The following PTCHD4 variants were observed in gnomAD, a reference collection of about 807,000 sequenced individuals.
PTCHD4 encodes patched domain containing 4, also known as patched domain-containing protein 4.
PTCHD4 carries 33 observed loss-of-function variants against 58.1 expected under a neutral mutation model. The ratio of observed to expected loss-of-function variants is 0.57; its 90% CI spans 0.43 to 0.76. The LOEUF (loss-of-function observed/expected upper bound fraction) is 0.76. Among genes scored for constraint, PTCHD4 ranks in the 30% least tolerant of loss-of-function variants. PTCHD4 has a pLI of 0.00. For missense variants in PTCHD4, 1,058 were observed against 1,027.1 expected (o/e 1.03, Z -0.41); for synonymous variants, 478 against 409.6 (o/e 1.17, Z -2.02).
At chr6:48,050,444 G>T (rs1764190505) in intron 3 of PTCHD4, among the ~76,000 whole-genome samples, 2 of 151,968 alleles carry the variant, frequency 1.3e-5, no homozygotes, top group Admixed American at 1.3e-4. Context: ...GAACTATATG[G>T]CTGGTCAATG....
intron 4 of PTCHD4, among the ~76,000 whole-genome samples, chr6:47,883,393 T>C (rs985681080): frequency 3.9e-5 from 6 of 152,184 alleles, no homozygotes; most frequent in Admixed American, 3.3e-4. Context: ...AGAGAATATG[T>C]CAGAGTGAGT....
chr6:48,077,529 G>C (rs1765082890), intron 1 of PTCHD4, among the ~76,000 whole-genome samples: 1 of 152,184 alleles, frequency 6.6e-6, no homozygotes, highest in Admixed American at 6.5e-5. Flanking sequence ...AACAACCTCT[G>C]CTAGCTTCAA....
At chr6:48,001,361 C>T (rs2114061755) in intron 4 of PTCHD4, among the ~76,000 whole-genome samples, 2 of 152,260 alleles carry the variant, frequency 1.3e-5, no homozygotes, top group Middle Eastern at 6.8e-3. Context: ...GAACTATATA[C>T]TACAAGGCTA....
chr6:47,946,652 G>T (rs1001900964), intron 4 of PTCHD4, among the ~76,000 whole-genome samples: 43 of 152,132 alleles, frequency 2.8e-4, no homozygotes, highest in Admixed American at 5.2e-4. Context: ...TAACCAACCA[G>T]TTCAGTGAAT....
rs186372082 is a variant in PTCHD4 at position 47,969,253 on chromosome 6, C to T, written c.898+39381G>A. ...TAGGAGCCTGTTTTATTTTCACATA[C>T]TTGTATTTTCCTCTTGTGTACTCCT... On this transcript the variant is annotated intron_variant, in intron 4 of 4. Coordinates refer to ENST00000339488, the MANE Select transcript of PTCHD4 (RefSeq NM_001384253.1). Among the ~76,000 whole-genome samples, 443 of 152,302 alleles carry T rather than the reference C, an allele frequency of 2.9e-3. 1 individual carries two copies. Among genetic ancestry groups the T allele is most frequent in the African/African-American group, 0.01 (423 of 41,580 alleles).
chr6:48,074,222 C>T (rs1400081793), intron 1 of PTCHD4, among the ~76,000 whole-genome samples: 1 of 152,036 alleles, frequency 6.6e-6, no homozygotes, highest in Non-Finnish European at 1.5e-5. Flanking sequence ...TGGTTGTCTG[C>T]AGCTGTAACT....
rs1364389665 is a variant in PTCHD4, at chr6:47,858,242, G to C, written c.*20061C>G. On this transcript the variant is annotated 3_prime_UTR_variant, in exon 5 of 5. Coordinates refer to ENST00000339488, the MANE Select transcript of PTCHD4 (RefSeq NM_001384253.1). ...TTTTATAGCAGGCACCCCCAATTTTGGATTCAGGGGCAGACATAAGAAGAA... is the reference window on the plus strand; with the variant it reads ...TTTTATAGCAGGCACCCCCAATTTTCGATTCAGGGGCAGACATAAGAAGAA... Among the ~76,000 whole-genome samples the C allele has an allele frequency of 6.6e-6, 1 of 151,870 alleles. No homozygotes were observed. The highest frequency in any genetic ancestry group is 1.5e-5 in the Non-Finnish European group (1 of 67,932).
intron 4 of PTCHD4, among the ~76,000 whole-genome samples, chr6:47,915,009 A>C (rs1561954812): frequency 6.6e-6 from 1 of 152,142 alleles, no homozygotes; most frequent in Non-Finnish European, 1.5e-5. Flanking sequence ...AATCTTTATG[A>C]GAATTCATTT....
intron 3 of PTCHD4, among the ~76,000 whole-genome samples, chr6:48,044,122 A>G (rs947079916): frequency 1.3e-5 from 2 of 151,704 alleles, no homozygotes; most frequent in Non-Finnish European, 3.0e-5. Flanking sequence ...GTGTATTTTC[A>G]TTAATATTTT....
rs188596887 is a variant in PTCHD4, at chr6:48,065,044, G to A, written c.417+3186C>T. On this transcript the variant is annotated intron_variant, in intron 3 of 4. Coordinates refer to ENST00000339488, the MANE Select transcript of PTCHD4 (RefSeq NM_001384253.1). ...AAGGCACCTTTCTGTGTCCCTGCTT[G>A]TCTGGATCACCTTGTCAACATAATC... 7.2e-5 allele frequency among the ~76,000 whole-genome samples: 11 copies of A among 152,218 alleles called. No homozygotes were observed. In the South Asian group the frequency reaches 1.5e-3, roughly 20 times the overall value.
At chr6:47,988,317 T>A (rs1279032428) in intron 4 of PTCHD4, among the ~76,000 whole-genome samples, 1 of 152,150 alleles carries the variant, frequency 6.6e-6, no homozygotes, top group Non-Finnish European at 1.5e-5. Context: ...TCTAGGAATC[T>A]GAAAACACCC....
At chr6:47,920,411 T>C (rs894474302) in intron 4 of PTCHD4, among the ~76,000 whole-genome samples, 1 of 152,284 alleles carries the variant, frequency 6.6e-6, no homozygotes, top group East Asian at 1.9e-4. Context: ...TTAGCAAGTA[T>C]ATGCAGAGTG....
chr6:47,896,126 G>C (rs1254058111), intron 4 of PTCHD4, among the ~76,000 whole-genome samples: 3 of 152,188 alleles, frequency 2.0e-5, no homozygotes, highest in Non-Finnish European at 4.4e-5. Flanking sequence ...CTTAACTACA[G>C]TTAAGGAAGA....
At position 48,068,414 on chromosome 6, in the gene PTCHD4, G is replaced by C; in HGVS notation, c.233C>G (p.Ala78Gly). 6.2e-7 allele frequency: 1 copy of C among 1,613,974 alleles called. No homozygotes were observed. Among genetic ancestry groups the C allele is most frequent in the Non-Finnish European group, 8.5e-7 (1 of 1,179,884 alleles). ...ERLVAPSHSLAKIERSLASSL... is the reference protein window; with the variant it reads ...ERLVAPSHSLGKIERSLASSL... ...GCTGGCCAGGCTGCGCTCGATCTTG[G>C]CCAGGCTGTGGCTGGGAGCGACCAG... The change falls in exon 3 of 5, where the codon GCC becomes GGC. Residue 78 changes from alanine (A) to glycine (G), a missense_variant. Coordinates refer to ENST00000339488, the MANE Select transcript of PTCHD4 (RefSeq NM_001384253.1). The surrounding 1 kb of genome is among the most constrained non-coding windows in gnomAD (Gnocchi z 4.2).
chr6:48,008,644 G>C lies in PTCHD4; in HGVS notation c.888C>G (p.Phe296Leu). 6.2e-7 allele frequency: 1 copy of C among 1,612,976 alleles called. No homozygotes were observed. The highest frequency in any genetic ancestry group is 8.5e-7 in the Non-Finnish European group (1 of 1,179,432). ...AGGATGGATAGTTACCCATGGCGAAGAACGGGATTCCCAGCAGGGTGGAGT... is the reference window on the plus strand; with the variant it reads ...AGGATGGATAGTTACCCATGGCGAACAACGGGATTCCCAGCAGGGTGGAGT... ...KYNSTLLGIP[F>L]FAMGHGTKGV... The change falls in exon 4 of 5, where the codon TTC (phenylalanine) becomes TTG (leucine). Residue 296 changes from phenylalanine to leucine, a missense_variant. Phe to Leu is a conservative substitution (Grantham distance 22). Coordinates refer to ENST00000339488, the MANE Select transcript of PTCHD4 (RefSeq NM_001384253.1).
intron 4 of PTCHD4, among the ~76,000 whole-genome samples, chr6:47,910,338 C>G (rs530982942): frequency 6.6e-6 from 1 of 152,228 alleles, no homozygotes; most frequent in East Asian, 1.9e-4. Flanking sequence ...TTAGTTCAAA[C>G]CTGTGTCTGT....
chr6:48,055,699 A>G (rs543626132), intron 3 of PTCHD4, among the ~76,000 whole-genome samples: 3 of 152,308 alleles, frequency 2.0e-5, no homozygotes, highest in Admixed American at 6.5e-5. Flanking sequence ...CTATCTATAA[A>G]AGGGGGTCAT....
chr6:48,003,408 G>C (rs1166214364), intron 4 of PTCHD4, among the ~76,000 whole-genome samples: 2 of 152,022 alleles, frequency 1.3e-5, no homozygotes, highest in African/African-American at 4.8e-5. Context: ...CTAAGCCTGG[G>C]GTCATCATTG....
At chr6:47,906,741 C>T (rs148292943) in intron 4 of PTCHD4, among the ~76,000 whole-genome samples, 18 of 152,228 alleles carry the variant, frequency 1.2e-4, no homozygotes, top group South Asian at 6.2e-4. Flanking sequence ...GAAATCTCTG[C>T]GGTGACATTT....
Sources: gnomAD v4.1 joint callset for allele counts (sites outside exome capture counted in the v4.1 genomes callset) on GRCh38, gnomAD v4.1.1 for gene constraint, Gnocchi (gnomAD v3.1) non-coding constraint, MANE v1.5 for transcripts, NCBI Gene and HGNC (gene_info 2026-07-23, HGNC 2026-07-21) for gene names.